The following CFAP221 variants were observed in gnomAD, a reference collection of about 807,000 sequenced individuals.
The protein encoded by CFAP221 is cilia- and flagella-associated protein 221.
A neutral mutation model predicts 113.1 loss-of-function variants in CFAP221; 97 were observed. The ratio of observed to expected loss-of-function variants is 0.86; its 90% CI spans 0.73 to 1.02. The LOEUF is 1.02. Among genes scored for constraint, CFAP221 ranks in the 50% least tolerant of loss-of-function variants. CFAP221 has a pLI of 0.00. For synonymous variants in CFAP221, 331 were observed against 354.4 expected, an observed-to-expected ratio of 0.93 and a Z score of 0.74; for missense variants, 1,025 against 1,013.4, an observed-to-expected ratio of 1.01 and a Z score of -0.16.
intron 1 of CFAP221, chr2:119,545,115 C>G (rs937506417): frequency 1.3e-5 from 2 of 152,100 alleles, no homozygotes; most frequent in African/African-American, 4.8e-5. Flanking sequence ...TTCATAGATT[C>G]ACTGCCTGTC....
At chr2:119,625,723 A>G in intron 15 of CFAP221, 35 bp downstream of exon 15, 1 of 1,528,328 alleles carries the variant, frequency 6.5e-7, no homozygotes, top group Non-Finnish European at 9.1e-7. Flanking sequence ...AGATGCCGAG[A>G]CTGATCATGC....
chr2:119,650,043 T>A (rs1688034662), intron 22 of CFAP221, among the ~76,000 whole-genome samples: 1 of 152,210 alleles, frequency 6.6e-6, no homozygotes, highest in African/African-American at 2.4e-5. Context: ...ATGATCAGAC[T>A]AGGATCACTG....
At chr2:119,545,799 A>G (rs533226715) in intron 1 of CFAP221, among the ~76,000 whole-genome samples, 3 of 152,194 alleles carry the variant, frequency 2.0e-5, no homozygotes, top group Non-Finnish European at 2.9e-5. Context: ...GGCCCCTGCA[A>G]TGAACTCAAG....
chr2:119,638,073 A>AT, intron 19 of CFAP221, 186 bp from the exon 20 acceptor site: 1 of 443,950 alleles, frequency 2.3e-6, no homozygotes, highest in Non-Finnish European at 3.9e-6. Context: ...AATGACTATG[A>AT]TTTTTTAAAC....
chr2:119,641,941 G>A lies in CFAP221; in HGVS notation c.2225+2069G>A, dbSNP rs145663817. On this transcript the variant is annotated intron_variant, in intron 21 of 23. Coordinates refer to ENST00000413369, the MANE Select transcript of CFAP221 (RefSeq NM_001271049.2). Reference sequence around the variant, plus strand: ...TGTCCACCCGTTGTCAGCGTGTACCGTTCTTGAGAATCAAGAAAAAGCATC... The same window carrying A: ...TGTCCACCCGTTGTCAGCGTGTACCATTCTTGAGAATCAAGAAAAAGCATC... 2.9e-3 allele frequency among the ~76,000 whole-genome samples: 437 copies of A among 152,278 alleles called. 2 individuals carry two copies. Among genetic ancestry groups the A allele is most frequent in the African/African-American group, 0.01 (420 of 41,530 alleles).
chr2:119,638,440 T>C (rs1171227387), intron 20 of CFAP221, 23 bp downstream of exon 20: 2 of 1,613,652 alleles, frequency 1.2e-6, no homozygotes, highest in Admixed American at 3.3e-5. Context: ...CCAGGCTCAC[T>C]GGCAGAGTGA....
chr2:119,639,553 T>A (rs965956627), intron 20 of CFAP221, among the ~76,000 whole-genome samples: 2 of 152,248 alleles, frequency 1.3e-5, no homozygotes. Context: ...AAGTGCCTAA[T>A]GAAGCAAGGG....
At chr2:119,632,094 T>A (rs1258405540) in intron 19 of CFAP221, among the ~76,000 whole-genome samples, 1 of 151,092 alleles carries the variant, frequency 6.6e-6, no homozygotes, top group Non-Finnish European at 1.5e-5. Context: ...AAGGAAGGAA[T>A]AATACAAAAT....
At chr2:119,550,099 T>C (rs1013939952) in intron 3 of CFAP221, among the ~76,000 whole-genome samples, 8 of 152,154 alleles carry the variant, frequency 5.3e-5, no homozygotes, top group African/African-American at 1.9e-4. Flanking sequence ...CCATGTGTTG[T>C]TGGGGAGGGG....
intron 14 of CFAP221, among the ~76,000 whole-genome samples, chr2:119,621,320 G>C (rs1036790980): frequency 1.4e-4 from 21 of 151,662 alleles, no homozygotes; most frequent in African/African-American, 5.1e-4. Flanking sequence ...GCATGGTAAA[G>C]GGATCAACAC....
intron 13 of CFAP221, among the ~76,000 whole-genome samples, chr2:119,614,797 A>G (rs558000974): frequency 1.1e-4 from 16 of 152,264 alleles, no homozygotes; most frequent in Non-Finnish European, 2.1e-4. Flanking sequence ...CTAATCTCCC[A>G]CCTCCATCAT....
At chr2:119,613,429 G>A (rs1685314074) in intron 13 of CFAP221, among the ~76,000 whole-genome samples, 1 of 152,196 alleles carries the variant, frequency 6.6e-6, no homozygotes, top group Non-Finnish European at 1.5e-5. Flanking sequence ...ACAAACTTCT[G>A]CCTGCACATC....
intron 14 of CFAP221, among the ~76,000 whole-genome samples, chr2:119,619,882 A>G (rs982726026): frequency 6.6e-6 from 1 of 152,238 alleles, no homozygotes; most frequent in African/African-American, 2.4e-5. Flanking sequence ...TAACCAGTTT[A>G]GAGAAGAACA....
At chr2:119,547,131 G>A (rs1453872222) in intron 2 of CFAP221, among the ~76,000 whole-genome samples, 2 of 152,130 alleles carry the variant, frequency 1.3e-5, no homozygotes, top group Non-Finnish European at 2.9e-5. Flanking sequence ...TAGTGTATTT[G>A]GATATGCTTC....
Position 119,596,849 on chromosome 2 carries a change from G to A in CFAP221, c.632-4369G>A, listed in dbSNP as rs79707184. On this transcript the variant is annotated intron_variant, in intron 7 of 23. Coordinates refer to ENST00000413369, the MANE Select transcript of CFAP221 (RefSeq NM_001271049.2). ...CCTCTTCATGATAATGTCCAGGCCT[G>A]TGTTTTAAAATAGACCTTGTAGAGG... 1.3e-3 allele frequency among the ~76,000 whole-genome samples: 191 copies of A among 152,274 alleles called. 2 individuals are homozygous for A. Among genetic ancestry groups the A allele is most frequent in the African/African-American group, 4.4e-3 (184 of 41,546 alleles).
chr2:119,619,591 A>G (rs930875597), intron 14 of CFAP221, among the ~76,000 whole-genome samples: 4 of 152,216 alleles, frequency 2.6e-5, no homozygotes, highest in Admixed American at 2.0e-4. Flanking sequence ...AAGGTCACCA[A>G]CATCCAAGAC....
At chr2:119,571,743 C>A (rs1298336871) in intron 6 of CFAP221, among the ~76,000 whole-genome samples, 1 of 152,198 alleles carries the variant, frequency 6.6e-6, no homozygotes, top group Non-Finnish European at 1.5e-5. Context: ...CAGGCGTGAG[C>A]CACCACACCC....
In CFAP221 at chr2:119,604,696, T is replaced by A. The variant is rs756120157; in HGVS notation, c.816T>A (p.Asn272Lys). Residue 272 changes from asparagine to lysine, a missense_variant, in exon 9 of 24, where the codon AAT (asparagine) becomes AAA (lysine). Transcript: ENST00000413369. The stretch of plus-strand genomic sequence containing the variant: ...GATTAGAAGAGTTTGAAAGGTTGAA[T>A]ACCCTTTCTAAGAAAGTAAACGTTC... Reference protein sequence around the residue: ...ALPLEEFERLNTLSKKVNVPP... With the variant: ...ALPLEEFERLKTLSKKVNVPP... 19 of 1,557,770 alleles carry A rather than the reference T, an allele frequency of 1.2e-5. No individual in the cohort carries two copies. Among genetic ancestry groups the A allele is most frequent in the Non-Finnish European group, 1.6e-5 (18 of 1,158,092 alleles).
At chr2:119,553,129 A>C (rs1273527718) in intron 3 of CFAP221, among the ~76,000 whole-genome samples, 1 of 152,228 alleles carries the variant, frequency 6.6e-6, no homozygotes, top group African/African-American at 2.4e-5. Context: ...GCAAGGTGGC[A>C]TGAGGAAGTC....
Sources: allele counts gnomAD v4.1 joint callset (sites outside exome capture counted in the v4.1 genomes callset), GRCh38; gene constraint gnomAD v4.1.1; transcripts MANE v1.5; gene names NCBI Gene and HGNC (gene_info 2026-07-23, HGNC 2026-07-21).